Variants in USP33 observed in about 807,000 individuals in gnomAD.
USP33 encodes ubiquitin carboxyl-terminal hydrolase 33.
A neutral mutation model predicts 124.2 loss-of-function variants in USP33; 46 were observed. The ratio of observed to expected loss-of-function variants is 0.37; its 90% confidence interval spans 0.29 to 0.47. The LOEUF (loss-of-function observed/expected upper bound fraction) is 0.47, where lower values mean the gene tolerates loss of function less well. USP33 is among the 20% of genes least tolerant of loss of function. USP33 has a pLI of 0.99. For synonymous variants in USP33, 350 were observed against 352.3 expected, an observed-to-expected ratio of 0.99 and a Z score of 0.07; for missense variants, 851 against 1,070.6, an observed-to-expected ratio of 0.79 and a Z score of 2.86.
chr1:77,720,920 G>A (rs146940475), intron 15 of USP33, among the ~76,000 whole-genome samples: 127 of 152,198 alleles, frequency 8.3e-4, no homozygotes, highest in Non-Finnish European at 1.5e-3. Context: ...TTAGGAAAAC[G>A]TTTTATGCAA....
At chr1:77,724,099 AAAG>A (rs1427733408) in intron 11 of USP33, among the ~76,000 whole-genome samples, 1 of 152,162 alleles carries the variant, frequency 6.6e-6, no homozygotes, top group Non-Finnish European at 1.5e-5. Context: ...TTACAAGTCA[AAAG>A]AAGAGGGGAA....
chr1:77,738,479 CT>C (rs1007695859), intron 5 of USP33, among the ~76,000 whole-genome samples: 14 of 151,782 alleles, frequency 9.2e-5, no homozygotes, highest in Non-Finnish European at 1.6e-4. Flanking sequence ...GGAGAAAAAT[CT>C]TTTTTTCTTT....
intron 1 of USP33, among the ~76,000 whole-genome samples, chr1:77,743,532 T>C (rs371137424): frequency 6.6e-6 from 1 of 152,086 alleles, no homozygotes; most frequent in South Asian, 2.1e-4. Context: ...TGGAGTACAA[T>C]GGGGCAAACA....
intron 5 of USP33, among the ~76,000 whole-genome samples, chr1:77,737,041 T>TA (rs966769057): frequency 7.7e-4 from 111 of 144,720 alleles, no homozygotes; most frequent in South Asian, 5.3e-3. Flanking sequence ...GTAAACACTT[T>TA]AAAAAAAAAA....
intron 9 of USP33, among the ~76,000 whole-genome samples, chr1:77,729,357 C>T (rs996932437): frequency 1.5e-5 from 2 of 132,844 alleles, no homozygotes; most frequent in African/African-American, 2.8e-5. Flanking sequence ...CATAATGAGA[C>T]ATTATCTCTC....
intron 17 of USP33, among the ~76,000 whole-genome samples, chr1:77,716,897 C>T (rs547654558): frequency 6.8e-5 from 10 of 146,468 alleles, no homozygotes; most frequent in South Asian, 4.3e-4. Context: ...TGGAGTTTTG[C>T]TCTTGTTGCC....
At chr1:77,739,229 G>A in intron 5 of USP33, 36 bp downstream of exon 5, 3 of 1,582,104 alleles carry the variant, frequency 1.9e-6, no homozygotes, top group African/African-American at 2.7e-5. Context: ...TTACCGGAAT[G>A]TTTTACAGCT....
At chr1:77,726,801 A>C (rs1430953105) in intron 10 of USP33, among the ~76,000 whole-genome samples, 2 of 152,176 alleles carry the variant, frequency 1.3e-5, no homozygotes, top group Non-Finnish European at 2.9e-5. Context: ...ACTATAATAA[A>C]AAATACACCA....
intron 16 of USP33, 33 bp from the exon 17 acceptor site, chr1:77,718,080 C>A: frequency 2.6e-6 from 4 of 1,532,272 alleles, no homozygotes; most frequent in South Asian, 2.6e-5. Flanking sequence ...ACTAATTTGT[C>A]AATACAGAAA....
intron 9 of USP33, among the ~76,000 whole-genome samples, chr1:77,728,984 C>T (rs777847603): frequency 1.4e-4 from 22 of 152,048 alleles, no homozygotes; most frequent in East Asian, 3.9e-4. Context: ...ACTGTAGCCT[C>T]GATCCCCCAG....
intron 1 of USP33, among the ~76,000 whole-genome samples, chr1:77,756,045 C>A (rs76265670): frequency 0.01 from 1,560 of 152,230 alleles, 27 homozygotes; most frequent in African/African-American, 0.036. Context: ...TTCTGTCAAC[C>A]CTTCTTTTTC....
intron 20 of USP33, among the ~76,000 whole-genome samples, chr1:77,712,856 T>C (rs565711394): frequency 6.6e-5 from 10 of 150,948 alleles, no homozygotes; most frequent in African/African-American, 2.4e-4. Flanking sequence ...AGACCTTGTC[T>C]CAAAAAAAAA....
chr1:77,713,107 T>A, intron 20 of USP33, 93 bp downstream of exon 20: 2 of 997,308 alleles, frequency 2.0e-6, no homozygotes, highest in Non-Finnish European at 3.0e-6. Context: ...AATAAACACA[T>A]AGCACAAGGA....
intron 21 of USP33, among the ~76,000 whole-genome samples, chr1:77,708,259 T>G (rs890480701): frequency 1.3e-5 from 2 of 152,238 alleles, no homozygotes; most frequent in Non-Finnish European, 2.9e-5. Flanking sequence ...TACACCAGAC[T>G]ATATATAACC....
intron 3 of USP33, 100 bp from the exon 4 acceptor site, chr1:77,741,039 C>T: frequency 1.2e-6 from 1 of 841,566 alleles, no homozygotes; most frequent in South Asian, 2.0e-5. Flanking sequence ...TTTGGATTAC[C>T]TGTTTTACAT....
chr1:77,755,863 T>G (rs1680757604), intron 1 of USP33, among the ~76,000 whole-genome samples: 1 of 152,184 alleles, frequency 6.6e-6, no homozygotes, highest in Non-Finnish European at 1.5e-5. Flanking sequence ...AACAAATGCT[T>G]ATAATCCAGC....
At chr1:77,749,813 T>TAA (rs1680125819) in intron 1 of USP33, among the ~76,000 whole-genome samples, 1 of 152,224 alleles carries the variant, frequency 6.6e-6, no homozygotes. Context: ...TTCTCACTGC[T>TAA]TTTTAGGCAA....
chr1:77,700,127 T>A (rs1673839809), intron 22 of USP33, among the ~76,000 whole-genome samples: 1 of 152,184 alleles, frequency 6.6e-6, no homozygotes, highest in South Asian at 2.1e-4. Context: ...GGTTGATAGG[T>A]GGAGCAAATC....
At chr1:77,721,116 TA>T in intron 15 of USP33, 55 bp downstream of exon 15, 1 of 1,607,908 alleles carries the variant, frequency 6.2e-7, no homozygotes, top group Non-Finnish European at 8.5e-7. Context: ...TACCCAATTC[TA>T]AAAACCAAGA....
Sources: allele counts gnomAD v4.1 joint callset (sites outside exome capture counted in the v4.1 genomes callset), GRCh38; gene constraint gnomAD v4.1.1; transcripts MANE v1.5; gene names NCBI Gene and HGNC (gene_info 2026-07-23, HGNC 2026-07-21).